MDGA2: variants seen among roughly 807,000 people sequenced by gnomAD.
MDGA2 encodes the protein MAM domain-containing glycosylphosphatidylinositol anchor protein 2.
A neutral mutation model predicts 117.8 loss-of-function variants in MDGA2; 40 were observed. The ratio of observed to expected loss-of-function variants is 0.34; its 90% CI spans 0.26 to 0.44. The LOEUF (loss-of-function observed/expected upper bound fraction) is 0.44. Ranked by LOEUF, MDGA2 falls within the 20% of genes least tolerant of loss-of-function variation. The pLI is 1.00. For synonymous variants in MDGA2, 452 were observed against 439.0 expected, an observed-to-expected ratio of 1.03 and a Z score of -0.37; for missense variants, 1,123 against 1,250.6, an observed-to-expected ratio of 0.90 and a Z score of 1.54.
intron 3 of MDGA2, among the ~76,000 whole-genome samples, chr14:47,197,170 A>T (rs1170649596): frequency 2.0e-5 from 3 of 152,156 alleles, no homozygotes; most frequent in Non-Finnish European, 1.5e-5. Context: ...ATACATATTT[A>T]TAAAGGTTCA....
At chr14:46,966,517 A>G (rs758578001) in intron 8 of MDGA2, among the ~76,000 whole-genome samples, 1 of 152,244 alleles carries the variant, frequency 6.6e-6, no homozygotes, top group African/African-American at 2.4e-5. Context: ...TCAAAGTATT[A>G]CAACAAAACT....
chr14:47,188,489 A>T (rs569852389), intron 3 of MDGA2, among the ~76,000 whole-genome samples: 1 of 152,154 alleles, frequency 6.6e-6, no homozygotes, highest in Admixed American at 6.5e-5. Flanking sequence ...CCCCGAGTCA[A>T]ACTTCTCCTA....
chr14:46,934,986 T>G (rs1595054712), intron 9 of MDGA2, among the ~76,000 whole-genome samples: 1 of 151,952 alleles, frequency 6.6e-6, no homozygotes, highest in African/African-American at 2.4e-5. Flanking sequence ...AAACTACTGC[T>G]TCAAGAGTTA....
chr14:46,947,225 T>G (rs1056759169), intron 9 of MDGA2, among the ~76,000 whole-genome samples: 7 of 152,132 alleles, frequency 4.6e-5, no homozygotes, highest in African/African-American at 1.7e-4. Flanking sequence ...CAATTACTTT[T>G]TCTTTAATAT....
At chr14:47,269,404 A>G (rs923548084) in intron 2 of MDGA2, among the ~76,000 whole-genome samples, 2 of 152,130 alleles carry the variant, frequency 1.3e-5, no homozygotes, top group Non-Finnish European at 2.9e-5. Flanking sequence ...GTTTTCATAG[A>G]ATGAGTGTAT....
At chr14:47,658,833 AATTC>A (rs1897793090) in intron 1 of MDGA2, among the ~76,000 whole-genome samples, 1 of 152,104 alleles carries the variant, frequency 6.6e-6, no homozygotes, top group African/African-American at 2.4e-5. Flanking sequence ...GAGTAAACAG[AATTC>A]TTTCTCTATT....
intron 9 of MDGA2, among the ~76,000 whole-genome samples, chr14:46,932,064 C>G (rs1407881205): frequency 6.6e-6 from 1 of 151,952 alleles, no homozygotes; most frequent in Non-Finnish European, 1.5e-5. Context: ...TTACAGTACT[C>G]AATCTTCAGA....
intron 1 of MDGA2, among the ~76,000 whole-genome samples, chr14:47,515,477 C>T (rs1050025282): frequency 2.0e-5 from 3 of 152,084 alleles, no homozygotes; most frequent in African/African-American, 7.2e-5. Context: ...GGCATTGCTT[C>T]CTGATTCTTC....
chr14:47,061,371 G>T lies in MDGA2; in HGVS notation c.1403C>A (p.Thr468Lys). The T allele has an allele frequency of 6.2e-7, 1 of 1,613,592 alleles. No homozygotes were observed. Among genetic ancestry groups the T allele is most frequent in the Non-Finnish European group, 8.5e-7 (1 of 1,179,668 alleles). The change falls in exon 7 of 17, where the codon ACA (threonine) becomes AAA (lysine). Residue 468 changes from threonine to lysine, a missense_variant. By Grantham distance (78) the Thr-to-Lys change is moderately conservative. Around this residue, in one of 2 missense-constraint regions of MDGA2, gnomAD observed 890 missense variants for 1,050.3 expected, o/e 0.85. Coordinates refer to ENST00000399232, the MANE Select transcript of MDGA2 (RefSeq NM_001113498.3). The stretch of plus-strand genomic sequence containing the variant: ...TAAATCAATGATGTCCAAGTTTGTT[G>T]TTCCCGGAGAGACATCAGGATCAGT... ...TQTDPDVSPG[T>K]TNLDIIDLKF...
intron 8 of MDGA2, 48 bp from the exon 9 acceptor site, chr14:46,957,691 A>C: frequency 6.2e-7 from 1 of 1,602,494 alleles, no homozygotes; most frequent in South Asian, 1.1e-5. Context: ...ACTTGCAATA[A>C]GCCAAAAGCT....
intron 1 of MDGA2, among the ~76,000 whole-genome samples, chr14:47,623,159 G>C (rs1897080431): frequency 6.6e-6 from 1 of 152,062 alleles, no homozygotes; most frequent in South Asian, 2.1e-4. Flanking sequence ...GATGAGTTCA[G>C]TCCCCTTCCA....
Position 47,016,494 on chromosome 14 carries a change from T to C in MDGA2, c.1819+18517A>G, listed in dbSNP as rs560916923. On this transcript the variant is annotated intron_variant, in intron 8 of 16. Transcript: ENST00000399232. ...TATAGTCAACATAAAGTTATAACTT[T>C]ATATGAAAAGTATTTCCAAATATAC... Among the ~76,000 whole-genome samples, 91 of 152,218 alleles carry C rather than the reference T, an allele frequency of 6.0e-4. 1 individual carries two copies. In the South Asian group the frequency reaches 0.018, roughly 31 times the overall value.
chr14:46,996,427 C>T (rs1291711455), intron 8 of MDGA2: 1 of 152,084 alleles, frequency 6.6e-6, no homozygotes, highest in Non-Finnish European at 1.5e-5. Flanking sequence ...CATGGCTACT[C>T]CAGCTATGGA....
At chr14:47,518,764 T>C (rs966981552) in intron 1 of MDGA2, among the ~76,000 whole-genome samples, 144 of 152,324 alleles carry the variant, frequency 9.5e-4, no homozygotes, top group African/African-American at 3.3e-3. Flanking sequence ...GTCTGCTTTA[T>C]ATAAAGTCTG....
At chr14:47,441,518 T>G (rs1490304337) in intron 1 of MDGA2, among the ~76,000 whole-genome samples, 1 of 152,178 alleles carries the variant, frequency 6.6e-6, no homozygotes, top group Non-Finnish European at 1.5e-5. Flanking sequence ...AATTAAGAGA[T>G]AATCTAACTC....
intron 9 of MDGA2, among the ~76,000 whole-genome samples, chr14:46,952,272 T>C (rs2138614936): frequency 6.6e-6 from 1 of 151,998 alleles, no homozygotes; most frequent in East Asian, 1.9e-4. Context: ...TATTGGGAAG[T>C]CTCCTCAAAA....
intron 1 of MDGA2, among the ~76,000 whole-genome samples, chr14:47,671,605 T>C (rs544554817): frequency 6.6e-6 from 1 of 152,342 alleles, no homozygotes; most frequent in African/African-American, 2.4e-5. Flanking sequence ...TTGAGAAATA[T>C]TACTTTGTGT....
chr14:47,666,619 C>A (rs2975306), intron 1 of MDGA2, among the ~76,000 whole-genome samples: 2 of 152,180 alleles, frequency 1.3e-5, no homozygotes, highest in African/African-American at 4.8e-5. Context: ...CCAATCGGCT[C>A]TCTGTAAAAT....
At chr14:46,992,528 G>T (rs1887131250) in intron 8 of MDGA2, among the ~76,000 whole-genome samples, 1 of 152,104 alleles carries the variant, frequency 6.6e-6, no homozygotes, top group Admixed American at 6.6e-5. Context: ...TACTGTAACA[G>T]TTGGTAGAAA....
Sources: gnomAD v4.1 joint callset for allele counts (sites outside exome capture counted in the v4.1 genomes callset) on GRCh38, gnomAD v4.1.1 for gene constraint, gnomAD v4.1.1 regional missense constraint, MANE v1.5 for transcripts, NCBI Gene and HGNC (gene_info 2026-07-23, HGNC 2026-07-21) for gene names.